The following FOXP1 variants were observed in gnomAD, a reference collection of about 807,000 sequenced individuals.
FOXP1 encodes forkhead box protein P1.
A neutral mutation model predicts 98.2 loss-of-function variants in FOXP1; 15 were observed. The observed-to-expected ratio is 0.15, with a 90% CI of 0.10 to 0.24. The LOEUF (loss-of-function observed/expected upper bound fraction) is 0.24, where lower values mean the gene tolerates loss of function less well. FOXP1 is among the 10% of genes least tolerant of loss of function. The pLI is 1.00. For synonymous variants in FOXP1, 371 were observed against 314.5 expected, an observed-to-expected ratio of 1.18 and a Z score of -1.90; for missense variants, 633 against 848.5, an observed-to-expected ratio of 0.75 and a Z score of 3.15.
chr3:71,517,721 C>A (rs569240919), intron 2 of FOXP1, among the ~76,000 whole-genome samples: 1 of 152,104 alleles, frequency 6.6e-6, no homozygotes, highest in Non-Finnish European at 1.5e-5. Flanking sequence ...AATTCCAGCT[C>A]CTTCATTTCA....
intron 5 of FOXP1, among the ~76,000 whole-genome samples, chr3:71,257,035 G>T (rs1006087705): frequency 2.6e-5 from 4 of 152,124 alleles, no homozygotes; most frequent in African/African-American, 9.7e-5. Flanking sequence ...TGTTAGTTGT[G>T]ACCAAAGAAC....
intron 7 of FOXP1, among the ~76,000 whole-genome samples, chr3:71,111,227 T>C (rs2057893298): frequency 6.6e-6 from 1 of 152,214 alleles, no homozygotes; most frequent in African/African-American, 2.4e-5. Context: ...TTATAGATTC[T>C]GTCCCCTCCT....
intron 3 of FOXP1, among the ~76,000 whole-genome samples, chr3:71,367,771 T>G (rs1045086849): frequency 6.6e-6 from 1 of 152,180 alleles, no homozygotes; most frequent in African/African-American, 2.4e-5. Flanking sequence ...TAAAAGCAAC[T>G]TCAATTTTCT....
intron 5 of FOXP1, among the ~76,000 whole-genome samples, chr3:71,236,329 AT>A (rs1273776587): frequency 2.0e-5 from 3 of 152,174 alleles, no homozygotes; most frequent in Non-Finnish European, 4.4e-5. Context: ...GTGTGGCTTC[AT>A]CCCCAAGTAT....
chr3:71,042,135 C>A (rs1029141620), intron 10 of FOXP1, among the ~76,000 whole-genome samples: 6 of 152,058 alleles, frequency 3.9e-5, no homozygotes, highest in African/African-American at 1.4e-4. Context: ...TTTCTAGTAC[C>A]ACATGCTTAA....
intron 5 of FOXP1, among the ~76,000 whole-genome samples, chr3:71,252,145 C>T (rs1560188917): frequency 6.6e-6 from 1 of 152,200 alleles, no homozygotes; most frequent in African/African-American, 2.4e-5. Context: ...TCTCTCACCG[C>T]TCTGTCCTTT....
intron 2 of FOXP1, among the ~76,000 whole-genome samples, chr3:71,545,609 A>G (rs1402194085): frequency 6.6e-6 from 1 of 152,186 alleles, no homozygotes; most frequent in African/African-American, 2.4e-5. Flanking sequence ...TTAAAATCCT[A>G]AAAGTTTTCA....
At chr3:71,350,469 A>G (rs1308778006) in intron 4 of FOXP1, among the ~76,000 whole-genome samples, 1 of 152,164 alleles carries the variant, frequency 6.6e-6, no homozygotes, top group East Asian at 1.9e-4. Context: ...TGCACATGTA[A>G]GTATGTTAAA....
At chr3:70,996,918 G>C (rs188935713) in intron 13 of FOXP1, among the ~76,000 whole-genome samples, 2 of 152,318 alleles carry the variant, frequency 1.3e-5, no homozygotes, top group Admixed American at 1.3e-4. Context: ...CTCTAATACA[G>C]TGATCATCCC....
chr3:71,016,099 T>C (rs570263284), intron 11 of FOXP1, among the ~76,000 whole-genome samples: 4 of 152,300 alleles, frequency 2.6e-5, no homozygotes, highest in African/African-American at 9.6e-5. Context: ...TCACATATTT[T>C]TTCCCAAGTT....
At chr3:71,199,893 T>G (rs1158945531) in intron 5 of FOXP1, among the ~76,000 whole-genome samples, 2 of 151,710 alleles carry the variant, frequency 1.3e-5, no homozygotes, top group Non-Finnish European at 2.9e-5. Flanking sequence ...CTGGCCAATA[T>G]GGTGAAACCC....
At chr3:71,305,571 A>G (rs2074214007) in intron 4 of FOXP1, 2 of 152,216 alleles carry the variant, frequency 1.3e-5, no homozygotes, top group East Asian at 3.8e-4. Flanking sequence ...TTTAGCAAAC[A>G]ATGGCAGCAT....
intron 3 of FOXP1, among the ~76,000 whole-genome samples, chr3:71,374,002 T>C (rs1316437180): frequency 1.3e-5 from 2 of 152,182 alleles, no homozygotes; most frequent in African/African-American, 4.8e-5. Context: ...GTAATTAATG[T>C]AGCAAAATAC....
At chr3:71,413,510 C>A (rs141457920) in intron 3 of FOXP1, among the ~76,000 whole-genome samples, 4 of 152,236 alleles carry the variant, frequency 2.6e-5, no homozygotes, top group Admixed American at 2.0e-4. Context: ...AACCTCCCCC[C>A]ACCCTGCAAA....
intron 2 of FOXP1, among the ~76,000 whole-genome samples, chr3:71,558,470 TTTC>T (rs1019457859): frequency 4.6e-5 from 7 of 152,092 alleles, no homozygotes; most frequent in Admixed American, 1.3e-4. Flanking sequence ...TCTCGTTCTT[TTTC>T]TTGTTTTTGT....
At position 71,143,808 on chromosome 3, in the gene FOXP1, C is replaced by T. The variant is rs377137090; in HGVS notation, c.181-31171G>A. Among the ~76,000 whole-genome samples the T allele has an allele frequency of 4.9e-4, 75 of 152,280 alleles. 1 individual carries two copies. In the South Asian group the frequency reaches 0.014, roughly 28 times the overall value. On this transcript the variant is annotated intron_variant, in intron 6 of 20. Coordinates refer to ENST00000649528, the MANE Select transcript of FOXP1 (RefSeq NM_001349338.3). The stretch of plus-strand genomic sequence containing the variant: ...CATAAGCACCATGTAAGTGTTACGA[C>T]GATTACTTTTACCACTGCTATGAAT...
At chr3:70,967,134 ACTT>A (rs2034969007) in intron 19 of FOXP1, among the ~76,000 whole-genome samples, 1 of 152,196 alleles carries the variant, frequency 6.6e-6, no homozygotes, top group Non-Finnish European at 1.5e-5. Context: ...CATTAGATGT[ACTT>A]CTTTTCACAA....
intron 20 of FOXP1, among the ~76,000 whole-genome samples, chr3:70,960,212 G>A (rs2033003401): frequency 6.6e-6 from 1 of 152,176 alleles, no homozygotes; most frequent in African/African-American, 2.4e-5. Flanking sequence ...AATAAGGCAA[G>A]AAAAGCCCTG....
chr3:71,027,044 G>A (rs572980863), intron 11 of FOXP1, among the ~76,000 whole-genome samples: 4 of 152,306 alleles, frequency 2.6e-5, no homozygotes, highest in Admixed American at 2.6e-4. Flanking sequence ...ATTAACACTG[G>A]GATCTCGTTA....
Sources: gnomAD v4.1 joint callset for allele counts (sites outside exome capture counted in the v4.1 genomes callset) on GRCh38, gnomAD v4.1.1 for gene constraint, MANE v1.5 for transcripts, NCBI Gene and HGNC (gene_info 2026-07-23, HGNC 2026-07-21) for gene names.